The following GPC6 variants were observed in gnomAD, a reference collection of about 807,000 sequenced individuals.
GPC6 encodes the protein glypican 6.
A neutral mutation model predicts 55.2 loss-of-function variants in GPC6; 14 were observed. The ratio of observed to expected loss-of-function variants is 0.25; its 90% CI spans 0.17 to 0.40. The LOEUF (loss-of-function observed/expected upper bound fraction) is 0.40, where lower values mean the gene tolerates loss of function less well. GPC6 is among the 10% of genes least tolerant of loss of function. GPC6 has a pLI of 1.00. For missense variants in GPC6, 641 were observed against 708.5 expected, an observed-to-expected ratio of 0.90 and a Z score of 1.08; for synonymous variants, 278 against 259.6, an observed-to-expected ratio of 1.07 and a Z score of -0.68.
chr13:94,269,702 T>G (rs2139060871), intron 4 of GPC6, among the ~76,000 whole-genome samples: 1 of 152,200 alleles, frequency 6.6e-6, no homozygotes, highest in South Asian at 2.1e-4. Context: ...TGAGCCTGAG[T>G]CTGGGATCAG....
At chr13:93,998,761 T>C (rs1381453535) in intron 3 of GPC6, among the ~76,000 whole-genome samples, 2 of 151,972 alleles carry the variant, frequency 1.3e-5, no homozygotes, top group Non-Finnish European at 2.9e-5. Context: ...TTTTGAAATA[T>C]ATATGTGTGT....
intron 3 of GPC6, among the ~76,000 whole-genome samples, chr13:93,866,832 T>C (rs1215937729): frequency 6.6e-6 from 1 of 151,786 alleles, no homozygotes; most frequent in Non-Finnish European, 1.5e-5. Flanking sequence ...GTATGTTTAC[T>C]ATGTAACAAA....
chr13:93,248,634 T>A (rs970143237), intron 1 of GPC6, among the ~76,000 whole-genome samples: 1 of 152,086 alleles, frequency 6.6e-6, no homozygotes, highest in Non-Finnish European at 1.5e-5. Context: ...AGCCTGAAGG[T>A]TCCTGGAAGT....
At chr13:93,571,902 C>T (rs2139475542) in intron 2 of GPC6, among the ~76,000 whole-genome samples, 1 of 152,252 alleles carries the variant, frequency 6.6e-6, no homozygotes, top group South Asian at 2.1e-4. Context: ...ATTTGCTGGT[C>T]TCACATTTGA....
Position 93,332,204 on chromosome 13 carries a change from T to G in GPC6, c.160+104588T>G, listed in dbSNP as rs139217402. Among the ~76,000 whole-genome samples the G allele has an allele frequency of 2.6e-4, 40 of 152,242 alleles. No homozygotes were observed. In the East Asian group the frequency reaches 7.5e-3, roughly 29 times the overall value. On this transcript the variant is annotated intron_variant, in intron 1 of 8. Transcript: ENST00000377047. ...ATTTCTTCAACAGGTGGATTTCCTT[T>G]CTTTTGGATCCATACCCAGCAATAG...
chr13:94,374,087 C>T (rs1879718242), intron 6 of GPC6, among the ~76,000 whole-genome samples: 1 of 152,094 alleles, frequency 6.6e-6, no homozygotes, highest in Admixed American at 6.6e-5. Flanking sequence ...AAAGGAACAA[C>T]CGATACCAGC....
chr13:93,631,956 C>A (rs138048236), intron 2 of GPC6, among the ~76,000 whole-genome samples: 1 of 152,222 alleles, frequency 6.6e-6, no homozygotes, highest in African/African-American at 2.4e-5. Flanking sequence ...TGTTATACCT[C>A]CTTGGCAGAG....
At chr13:94,220,577 G>T (rs1200787643) in intron 4 of GPC6, among the ~76,000 whole-genome samples, 1 of 152,024 alleles carries the variant, frequency 6.6e-6, no homozygotes, top group Non-Finnish European at 1.5e-5. Context: ...AAACAGAGGG[G>T]CTTAAACAAC....
At chr13:93,510,250 C>G (rs1030057909) in intron 1 of GPC6, among the ~76,000 whole-genome samples, 1 of 152,058 alleles carries the variant, frequency 6.6e-6, no homozygotes, top group African/African-American at 2.4e-5. Context: ...TGCTATCAAA[C>G]ATTGAATTTG....
intron 4 of GPC6, among the ~76,000 whole-genome samples, chr13:94,175,959 G>A (rs201569759): frequency 4.4e-5 from 4 of 90,688 alleles, no homozygotes; most frequent in Non-Finnish European, 5.0e-5. Flanking sequence ...TATATATAGA[G>A]AGAGAGAGAG....
At chr13:93,633,566 G>A (rs1417184655) in intron 2 of GPC6, among the ~76,000 whole-genome samples, 1 of 151,978 alleles carries the variant, frequency 6.6e-6, no homozygotes, top group Non-Finnish European at 1.5e-5. Flanking sequence ...AACCCAGCAG[G>A]CGGAGGTTGC....
intron 2 of GPC6, among the ~76,000 whole-genome samples, chr13:93,550,789 T>G (rs902029438): frequency 1.3e-5 from 2 of 152,114 alleles, no homozygotes; most frequent in Non-Finnish European, 2.9e-5. Flanking sequence ...AGGGTGATAT[T>G]TTTTGTATGT....
intron 1 of GPC6, among the ~76,000 whole-genome samples, chr13:93,289,604 G>A (rs537477455): frequency 6.6e-6 from 1 of 152,164 alleles, no homozygotes; most frequent in African/African-American, 2.4e-5. Context: ...TATAGACAAA[G>A]ATATATGTAT....
rs149585516 is a variant in GPC6 at position 94,076,541 on chromosome 13, A to G, written c.877+48647A>G. Among the ~76,000 whole-genome samples, 12 of 152,044 alleles carry G rather than the reference A, an allele frequency of 7.9e-5. No individual in the cohort carries two copies. The East Asian group carries it at 2.3e-3, about 29-fold the overall frequency. On this transcript the variant is annotated intron_variant, in intron 4 of 8. Transcript: ENST00000377047. ...TCATGTGCTTTGGGTTTGATATCCAAAAAATTATTGCTAATGCCAATGTCA... is the reference window on the plus strand; with the variant it reads ...TCATGTGCTTTGGGTTTGATATCCAGAAAATTATTGCTAATGCCAATGTCA...
intron 4 of GPC6, among the ~76,000 whole-genome samples, chr13:94,255,543 C>T (rs28429747): frequency 6.6e-6 from 1 of 152,146 alleles, no homozygotes; most frequent in Non-Finnish European, 1.5e-5. Context: ...GCATCCCTCT[C>T]TCTTTTCCTT....
chr13:93,732,983 C>T (rs1233839501), intron 2 of GPC6, among the ~76,000 whole-genome samples: 12 of 151,976 alleles, frequency 7.9e-5, no homozygotes, highest in Admixed American at 7.9e-4. Flanking sequence ...CAAGACATCT[C>T]AATTTTGGCC....
intron 1 of GPC6, among the ~76,000 whole-genome samples, chr13:93,348,539 A>G (rs1237995686): frequency 6.6e-6 from 1 of 152,186 alleles, no homozygotes; most frequent in Admixed American, 6.5e-5. Flanking sequence ...TGATTAAAGT[A>G]TCAGGCACTG....
intron 2 of GPC6, among the ~76,000 whole-genome samples, chr13:93,567,427 A>G (rs1307861467): frequency 6.6e-6 from 1 of 152,188 alleles, no homozygotes; most frequent in Non-Finnish European, 1.5e-5. Context: ...TGGCCCCTAC[A>G]ACATTTTGTT....
At chr13:94,273,372 G>A (rs1276285743) in intron 4 of GPC6, among the ~76,000 whole-genome samples, 1 of 152,210 alleles carries the variant, frequency 6.6e-6, no homozygotes, top group African/African-American at 2.4e-5. Flanking sequence ...AGAGGAAGGA[G>A]CAATGTGAAT....
Sources: allele counts gnomAD v4.1 joint callset (sites outside exome capture counted in the v4.1 genomes callset), GRCh38; gene constraint gnomAD v4.1.1; transcripts MANE v1.5; gene names NCBI Gene and HGNC (gene_info 2026-07-23, HGNC 2026-07-21).